Variants in KRT27 observed in about 807,000 individuals in gnomAD.
KRT27 encodes the protein keratin 27, also known as keratin, type I cytoskeletal 27.
Under a neutral mutation model 45.3 loss-of-function variants are expected in KRT27, and 30 were observed. That is an observed-to-expected ratio of 0.66 (90% CI 0.50 to 0.90). KRT27 has a LOEUF of 0.90. Ranked by LOEUF, KRT27 falls within the 40% of genes least tolerant of loss-of-function variation. KRT27 has a pLI of 0.00. For missense variants in KRT27, 610 were observed against 564.3 expected, an observed-to-expected ratio of 1.08 and a Z score of -0.82; for synonymous variants, 204 against 223.9, an observed-to-expected ratio of 0.91 and a Z score of 0.79.
At position 40,782,084 on chromosome 17, in the gene KRT27, C is replaced by G; in HGVS notation, c.410G>C (p.Arg137Thr). Reference sequence around the variant, plus strand: ...AAGTTCGTCAATAATTGGGAAATATCTGCTGTAATCATGATCAAGGCCACG... The same window carrying G: ...AAGTTCGTCAATAATTGGGAAATATGTGCTGTAATCATGATCAAGGCCACG... ...SCRGLDHDYS[R>T]YFPIIDELKN... Residue 137 changes from arginine (R) to threonine (T), a missense_variant, in exon 1 of 8, where the codon AGA (arginine) becomes ACA (threonine). Coordinates refer to ENST00000301656, the MANE Select transcript of KRT27 (RefSeq NM_181537.4). The G allele has an allele frequency of 6.2e-7, 1 of 1,613,316 alleles. No individual in the cohort carries two copies. Among genetic ancestry groups the G allele is most frequent in the Non-Finnish European group, 8.5e-7 (1 of 1,180,024 alleles).
chr17:40,777,650 G>A lies in KRT27; in HGVS notation c.1055C>T (p.Ala352Val), dbSNP rs748748303. ...GACCTGGTGCAGCTGCTCCTCCAGG[G>A]CCCCGATCTGAGCCTGGATCTGTGC... Reference protein sequence around the residue: ...QLAQIQAQIGALEEQLHQVRT... With the variant: ...QLAQIQAQIGVLEEQLHQVRT... The change falls in exon 6 of 8, where the codon GCC (alanine) becomes GTC (valine). Residue 352 changes from alanine (A) to valine (V), a missense_variant. Coordinates refer to ENST00000301656, the MANE Select transcript of KRT27 (RefSeq NM_181537.4). 6.2e-7 allele frequency: 1 copy of A among 1,613,992 alleles called. No homozygotes were observed. Among genetic ancestry groups the A allele is most frequent in the Non-Finnish European group, 8.5e-7 (1 of 1,179,994 alleles).
At position 40,779,824 on chromosome 17, in the gene KRT27, A is replaced by T; in HGVS notation, c.722T>A (p.Val241Glu). ...KALQCAAGGN[V>E]NVEMNAAPGV... ...GGGGGCCGCGTTCATCTCCACGTTC[A>T]CGTTGCCTCCAGCCGCGCACTGAAG... The change falls in exon 4 of 8, where the codon GTG becomes GAG. Residue 241 changes from valine (V) to glutamate (E), a missense_variant. By Grantham distance (121) the Val-to-Glu change is moderately radical. Transcript: ENST00000301656. The T allele has an allele frequency of 6.2e-7, 1 of 1,614,038 alleles. No homozygotes were observed. The highest frequency in any genetic ancestry group is 8.5e-7 in the Non-Finnish European group (1 of 1,179,986).
At chr17:40,777,467 T>C in intron 6 of KRT27, 48 bp downstream of exon 6, 1 of 1,601,046 alleles carries the variant, frequency 6.2e-7, no homozygotes, top group Non-Finnish European at 8.6e-7. Flanking sequence ...CAAATCATCT[T>C]TAGTAACCTT....
At chr17:40,779,463 A>T (rs1365492765) in intron 5 of KRT27, 39 bp downstream of exon 5, 2 of 1,561,904 alleles carry the variant, frequency 1.3e-6, no homozygotes, top group Admixed American at 4.1e-5. Flanking sequence ...TTTTTTTCTC[A>T]ATTTCTAAAG....
At position 40,782,422 on chromosome 17, in the gene KRT27, A is replaced by G. The variant is rs755177747; in HGVS notation, c.72T>C (p.Ser24=). The change falls in exon 1 of 8, where the codon TCT becomes TCC. Residue 24 remains serine, a synonymous_variant. Coordinates refer to ENST00000301656, the MANE Select transcript of KRT27 (RefSeq NM_181537.4). The stretch of plus-strand genomic sequence containing the variant: ...CAGCCCCAAAGCCTGCTCCCCCACT[A>G]GAGAGCCTCACAGAGCCAGTGCCCC... ...SCGGTGSVRL[S]SGGAGFGAGN... 1.2e-6 allele frequency: 2 copies of G among 1,612,160 alleles called. No individual in the cohort carries two copies. Among genetic ancestry groups the G allele is most frequent in the Non-Finnish European group, 1.7e-6 (2 of 1,179,108 alleles).
chr17:40,782,052 G>C lies in KRT27; in HGVS notation c.442C>G (p.Gln148Glu), dbSNP rs751078576. The change falls in exon 1 of 8, where the codon CAG (glutamine) becomes GAG (glutamate). Residue 148 changes from glutamine to glutamate, a missense_variant and splice_region_variant. Coordinates refer to ENST00000301656, the MANE Select transcript of KRT27 (RefSeq NM_181537.4). ...ACTCACGCCATGGCGTTTCTTACCT[G>C]GTTCTTAAGTTCGTCAATAATTGGG... ...YFPIIDELKN[Q>E]IISATTSNAH... The C allele has an allele frequency of 1.9e-6, 3 of 1,608,460 alleles. No individual in the cohort carries two copies. The highest frequency in any genetic ancestry group is 2.2e-5 in the East Asian group (1 of 44,878).
chr17:40,779,499 T>C lies in KRT27; in HGVS notation c.972+3A>G, dbSNP rs556081117. On this transcript the variant is annotated splice_donor_region_variant and intron_variant, in intron 5 of 7. Coordinates refer to ENST00000301656, the MANE Select transcript of KRT27 (RefSeq NM_181537.4). The stretch of plus-strand genomic sequence containing the variant: ...CAAATCTGTTTTGTAACTTTTCGCT[T>C]ACCGTTGCTAAGAGGGACTGAAGTT... The C allele has an allele frequency of 1.3e-6, 2 of 1,595,282 alleles. No individual in the cohort carries two copies. The highest frequency in any genetic ancestry group is 1.1e-5 in the South Asian group (1 of 89,240).
In KRT27 at chr17:40,777,695, C is replaced by A; in HGVS notation, c.1010G>T (p.Ser337Ile). The A allele has an allele frequency of 6.2e-7, 1 of 1,614,164 alleles. No individual in the cohort carries two copies. The highest frequency in any genetic ancestry group is 8.5e-7 in the Non-Finnish European group (1 of 1,180,024). The change falls in exon 6 of 8, where the codon AGT (serine) becomes ATT (isoleucine). Residue 337 changes from serine (S) to isoleucine (I), a missense_variant. By Grantham distance (142) the Ser-to-Ile change is moderately radical. Coordinates refer to ENST00000301656, the MANE Select transcript of KRT27 (RefSeq NM_181537.4). ...SLECSLTETESNYCAQLAQIQ... is the reference protein window; with the variant it reads ...SLECSLTETEINYCAQLAQIQ... ...CTGTGCCAGCTGTGCACAGTAGTTACTCTCGGTCTCTGTCAAGGAGCACTC... is the reference window on the plus strand; with the variant it reads ...CTGTGCCAGCTGTGCACAGTAGTTAATCTCGGTCTCTGTCAAGGAGCACTC...
At chr17:40,781,411 T>C (rs1231787013) in intron 1 of KRT27, 141 bp from the exon 2 acceptor site, 5 of 584,532 alleles carry the variant, frequency 8.6e-6, no homozygotes, top group Non-Finnish European at 1.5e-5. Context: ...TGAAGATGGG[T>C]AATTTAAGTA....
intron 5 of KRT27, 27 bp downstream of exon 5, chr17:40,779,475 A>G (rs1344713957): frequency 6.4e-7 from 1 of 1,573,808 alleles, no homozygotes; most frequent in Non-Finnish European, 8.6e-7. Context: ...TTTCTAAAGC[A>G]AATCTGTTTT....
Position 40,782,355 on chromosome 17 carries a change from A to T in KRT27, c.139T>A (p.Cys47Ser), listed in dbSNP as rs1020474391. 1.2e-6 allele frequency: 2 copies of T among 1,614,038 alleles called. No homozygotes were observed. Among genetic ancestry groups the T allele is most frequent in the Admixed American group, 3.3e-5 (2 of 60,006 alleles). Residue 47 changes from cysteine to serine, a missense_variant, in exon 1 of 8, where the codon TGT becomes AGT. By Grantham distance (112) the Cys-to-Ser change is moderately radical (BLOSUM62 -1). Transcript: ENST00000301656. ...GVPGIGSGFSCAFGGSSSAGG... is the reference protein window; with the variant it reads ...GVPGIGSGFSSAFGGSSSAGG... ...GCAGATGAGCTGCCCCCAAAAGCACAAGAGAAGCCACTTCCAATGCCTGGC... is the reference window on the plus strand; with the variant it reads ...GCAGATGAGCTGCCCCCAAAAGCACTAGAGAAGCCACTTCCAATGCCTGGC...
At position 40,782,418 on chromosome 17, in the gene KRT27, C is replaced by T. The variant is rs199775750; in HGVS notation, c.76G>A (p.Gly26Arg). Residue 26 changes from glycine (G) to arginine (R), a missense_variant, in exon 1 of 8, where the codon GGG (glycine) becomes AGG (arginine). Transcript: ENST00000301656. Reference protein sequence around the residue: ...GGTGSVRLSSGGAGFGAGNTC... With the variant: ...GGTGSVRLSSRGAGFGAGNTC... Reference sequence around the variant, plus strand: ...TTTCCAGCCCCAAAGCCTGCTCCCCCACTAGAGAGCCTCACAGAGCCAGTG... The same window carrying T: ...TTTCCAGCCCCAAAGCCTGCTCCCCTACTAGAGAGCCTCACAGAGCCAGTG... The T allele has an allele frequency of 5.0e-6, 8 of 1,612,390 alleles. No homozygotes were observed. The highest frequency in any genetic ancestry group is 1.7e-5 in the Admixed American group (1 of 59,792).
In KRT27 at chr17:40,781,231, G is replaced by T. The variant is rs2038309132; in HGVS notation, c.484C>A (p.Gln162Lys). ...ATTSNAHVVLQNDNARLTADD... is the reference protein window; with the variant it reads ...ATTSNAHVVLKNDNARLTADD... Reference sequence around the variant, plus strand: ...GCTGTTAGTCTTGCATTATCATTTTGCAGGACAACATGGGCATTACTGGTA... The same window carrying T: ...GCTGTTAGTCTTGCATTATCATTTTTCAGGACAACATGGGCATTACTGGTA... The change falls in exon 2 of 8, where the codon CAA (glutamine) becomes AAA (lysine). Residue 162 changes from glutamine to lysine, a missense_variant. Gln to Lys is a moderately conservative substitution (Grantham distance 53). Transcript: ENST00000301656. 1 of 1,610,966 alleles carries T rather than the reference G, an allele frequency of 6.2e-7. No homozygotes were observed. Among genetic ancestry groups the T allele is most frequent in the Admixed American group, 1.7e-5 (1 of 59,866 alleles).
At chr17:40,778,254 T>C (rs1650546528) in intron 5 of KRT27, among the ~76,000 whole-genome samples, 1 of 152,248 alleles carries the variant, frequency 6.6e-6, no homozygotes, top group Non-Finnish European at 1.5e-5. Context: ...TTCAATTCAT[T>C]GGCTTGTGAA....
chr17:40,781,153 A>G, intron 2 of KRT27, 35 bp downstream of exon 2: 1 of 1,387,014 alleles, frequency 7.2e-7, no homozygotes, highest in Non-Finnish European at 1.0e-6. Context: ...TGCTTAGACA[A>G]CTTTTTTTTC....
In KRT27 at chr17:40,779,503, G is replaced by A. The variant is rs766505066; in HGVS notation, c.971C>T (p.Thr324Met). 1.4e-5 allele frequency: 23 copies of A among 1,597,600 alleles called. No individual in the cohort carries two copies. Among genetic ancestry groups the A allele is most frequent in the Admixed American group, 1.2e-4 (7 of 56,334 alleles). Residue 324 changes from threonine to methionine, a missense_variant and splice_region_variant, in exon 5 of 8, where the codon ACG becomes ATG. Transcript: ENST00000301656. ...LEIELQSLLATKHSLECSLTE... is the reference protein window; with the variant it reads ...LEIELQSLLAMKHSLECSLTE... ...TCTGTTTTGTAACTTTTCGCTTACC[G>A]TTGCTAAGAGGGACTGAAGTTCAAT...
chr17:40,780,303 C>A lies in KRT27; in HGVS notation c.681G>T (p.Glu227Asp), dbSNP rs192577362. The change falls in exon 3 of 8, where the codon GAG becomes GAT. Residue 227 changes from glutamate to aspartate, a missense_variant. By Grantham distance (45) the Glu-to-Asp change is conservative. Coordinates refer to ENST00000301656, the MANE Select transcript of KRT27 (RefSeq NM_181537.4). The stretch of plus-strand genomic sequence containing the variant: ...GCCAGCCGGGTGGAGCTTCTACCTC[C>A]TCATGATTCTTCTTGAGGTAAGCGA... ...EELAYLKKNH[E>D]EEMKALQCAA... 2.5e-6 allele frequency: 4 copies of A among 1,607,482 alleles called. No homozygotes were observed. Among genetic ancestry groups the A allele is most frequent in the Non-Finnish European group, 2.5e-6 (3 of 1,177,296 alleles).
intron 5 of KRT27, 62 bp downstream of exon 5, chr17:40,779,435 GAAAAT>G: frequency 6.5e-7 from 1 of 1,540,370 alleles, no homozygotes; most frequent in Non-Finnish European, 8.8e-7. Flanking sequence ...TATGTTGGAA[GAAAAT>G]TCTCTTCGAT....
chr17:40,777,655 G>A lies in KRT27; in HGVS notation c.1050C>T (p.Ile350=), dbSNP rs746521617. The part of the protein sequence containing the change: ...CAQLAQIQAQ[I]GALEEQLHQV... ...GGTGCAGCTGCTCCTCCAGGGCCCC[G>A]ATCTGAGCCTGGATCTGTGCCAGCT... Residue 350 remains isoleucine (I), a synonymous_variant, in exon 6 of 8, where the codon ATC becomes ATT. Coordinates refer to ENST00000301656, the MANE Select transcript of KRT27 (RefSeq NM_181537.4). 2.5e-6 allele frequency: 4 copies of A among 1,613,970 alleles called. No homozygotes were observed. The highest frequency in any genetic ancestry group is 2.2e-5 in the East Asian group (1 of 44,890).
Sources: allele counts gnomAD v4.1 joint callset (sites outside exome capture counted in the v4.1 genomes callset), GRCh38; gene constraint gnomAD v4.1.1; transcripts MANE v1.5; gene names NCBI Gene and HGNC (gene_info 2026-07-23, HGNC 2026-07-21).